Variants in NELL2 observed in about 807,000 individuals in gnomAD.
NELL2 encodes protein kinase C-binding protein NELL2.
Under a neutral mutation model 109.6 loss-of-function variants are expected in NELL2, and 41 were observed. That is an observed-to-expected ratio of 0.37 (90% CI 0.29 to 0.49). NELL2 has a LOEUF of 0.49. Ranked by LOEUF, NELL2 falls within the 20% of genes least tolerant of loss-of-function variation. NELL2 has a pLI of 0.98. For synonymous variants in NELL2, 355 were observed against 344.7 expected (o/e 1.03, Z -0.33); for missense variants, 900 against 1,008.3 (o/e 0.89, Z 1.45).
At chr12:44,891,193 TC>T (rs1183433644) in intron 1 of NELL2, among the ~76,000 whole-genome samples, 1 of 152,222 alleles carries the variant, frequency 6.6e-6, no homozygotes, top group African/African-American at 2.4e-5. Context: ...ATACTTGTTC[TC>T]CATGCCCTGC....
chr12:44,847,171 T>C (rs1183008264), intron 2 of NELL2, among the ~76,000 whole-genome samples: 1 of 152,158 alleles, frequency 6.6e-6, no homozygotes, highest in African/African-American at 2.4e-5. Context: ...ATTATTACCA[T>C]GGGCAGAGCA....
chr12:44,640,730 G>A (rs573889475), intron 13 of NELL2, among the ~76,000 whole-genome samples: 1 of 151,882 alleles, frequency 6.6e-6, no homozygotes, highest in East Asian at 1.9e-4. Context: ...AGGAACAAGG[G>A]GACAAATTTG....
intron 9 of NELL2, among the ~76,000 whole-genome samples, chr12:44,744,084 A>G (rs1940175463): frequency 2.0e-5 from 3 of 152,180 alleles, no homozygotes; most frequent in Admixed American, 2.0e-4. Context: ...AAGGAATAGA[A>G]ATTATAACAA....
At chr12:44,869,229 G>GAA (rs58984872) in intron 2 of NELL2, among the ~76,000 whole-genome samples, 83 of 150,450 alleles carry the variant, frequency 5.5e-4, no homozygotes, top group African/African-American at 1.9e-3. Flanking sequence ...ATGGAAGAAA[G>GAA]AAAAAAAAAC....
chr12:44,885,776 C>G (rs1184253361), intron 1 of NELL2, among the ~76,000 whole-genome samples: 1 of 151,606 alleles, frequency 6.6e-6, no homozygotes, highest in Non-Finnish European at 1.5e-5. Context: ...AATTAATAAG[C>G]TGATTTTTAA....
chr12:44,516,530 A>G (rs1168460563), intron 19 of NELL2, among the ~76,000 whole-genome samples: 1 of 152,230 alleles, frequency 6.6e-6, no homozygotes, highest in Non-Finnish European at 1.5e-5. Flanking sequence ...ATAATTATTT[A>G]TAATTTTAGT....
chr12:44,853,962 T>G (rs1469994842), intron 2 of NELL2, among the ~76,000 whole-genome samples: 3 of 152,174 alleles, frequency 2.0e-5, no homozygotes, highest in Admixed American at 1.3e-4. Flanking sequence ...TTTATATGCC[T>G]TTCTTAACAA....
chr12:44,582,645 G>A (rs1045629665), intron 15 of NELL2, among the ~76,000 whole-genome samples: 4 of 152,028 alleles, frequency 2.6e-5, no homozygotes, highest in African/African-American at 9.7e-5. Context: ...GTAGTTATAG[G>A]TGAGGATAAG....
chr12:44,894,662 A>G (rs1592708813), intron 1 of NELL2, among the ~76,000 whole-genome samples: 1 of 152,238 alleles, frequency 6.6e-6, no homozygotes, highest in East Asian at 1.9e-4. Flanking sequence ...TGCAATGTCA[A>G]CATCATAAAT....
intron 2 of NELL2, among the ~76,000 whole-genome samples, chr12:44,833,906 A>G (rs1483336631): frequency 6.6e-6 from 1 of 152,218 alleles, no homozygotes; most frequent in Non-Finnish European, 1.5e-5. Flanking sequence ...AAACGAAAGT[A>G]TCGGAGTGGA....
At chr12:44,871,223 C>A (rs768063226) in intron 2 of NELL2, among the ~76,000 whole-genome samples, 1 of 152,124 alleles carries the variant, frequency 6.6e-6, no homozygotes, top group Non-Finnish European at 1.5e-5. Context: ...GCCTGAGACT[C>A]CCCTAACTAA....
chr12:44,683,132 C>T (rs1430881568), intron 12 of NELL2, among the ~76,000 whole-genome samples: 1 of 152,162 alleles, frequency 6.6e-6, no homozygotes, highest in Non-Finnish European at 1.5e-5. Context: ...AGAGGTCCTT[C>T]ACGTCCCTTG....
chr12:44,571,917 GATTACAGCCACCCATGT>G (rs1250028081), intron 15 of NELL2, among the ~76,000 whole-genome samples: 8 of 152,038 alleles, frequency 5.3e-5, no homozygotes, highest in Admixed American at 3.9e-4. Flanking sequence ...AGGGTATGTA[GATTACAGCCACCCATGT>G]ATACAATAAG....
chr12:44,667,849 C>T (rs1947980913), intron 12 of NELL2, among the ~76,000 whole-genome samples: 1 of 152,204 alleles, frequency 6.6e-6, no homozygotes, highest in Non-Finnish European at 1.5e-5. Context: ...ATTCCTACCA[C>T]AGACTCATAT....
chr12:44,783,258 G>C lies in NELL2; in HGVS notation c.336-3236C>G, dbSNP rs573707152. Among the ~76,000 whole-genome samples the C allele has an allele frequency of 2.7e-4, 41 of 150,806 alleles. 1 individual carries two copies. Among genetic ancestry groups the C allele is most frequent in the Non-Finnish European group, 3.7e-4 (25 of 67,452 alleles). On this transcript the variant is annotated intron_variant, in intron 3 of 19. Coordinates refer to ENST00000429094, the MANE Select transcript of NELL2 (RefSeq NM_001145108.2). ...GCAATACTTGAGAGAGAAATTTATAGCACTAAATGCATATATTAGAAAAGA... is the reference window on the plus strand; with the variant it reads ...GCAATACTTGAGAGAGAAATTTATACCACTAAATGCATATATTAGAAAAGA...
chr12:44,690,647 G>C (rs1475090929), intron 12 of NELL2, among the ~76,000 whole-genome samples: 1 of 152,032 alleles, frequency 6.6e-6, no homozygotes, highest in Non-Finnish European at 1.5e-5. Context: ...CTGGAAAATG[G>C]GCAGAGATTT....
chr12:44,920,704 A>AC (rs1945862449), intron 1 of NELL2, among the ~76,000 whole-genome samples: 1 of 152,204 alleles, frequency 6.6e-6, no homozygotes, highest in African/African-American at 2.4e-5. Context: ...GCAAATGAAT[A>AC]CCAACATGTC....
Position 44,522,111 on chromosome 12 carries a change from G to A in NELL2, c.2064C>T (p.Cys688=). 6.2e-7 allele frequency: 1 copy of A among 1,613,762 alleles called. No individual in the cohort carries two copies. Among genetic ancestry groups the A allele is most frequent in the South Asian group, 1.1e-5 (1 of 91,058 alleles). ...TAAGCCTTGGGTCACATTCAGGGCA[G>A]CAAAAAAGATCAACTGTGGGATTCT... The part of the protein sequence containing the change: ...DCENPTVDLF[C]CPECDPRLSS... The change falls in exon 18 of 20, where the codon TGC becomes TGT. Residue 688 remains cysteine (C), a synonymous_variant. Transcript: ENST00000429094.
chr12:44,815,766 G>A (rs951624150), intron 3 of NELL2: 24 of 392,394 alleles, frequency 6.1e-5, no homozygotes, highest in African/African-American at 1.1e-4. Context: ...CTACAGGCGC[G>A]CGCCACCAAG....
Sources: allele counts gnomAD v4.1 joint callset (sites outside exome capture counted in the v4.1 genomes callset), GRCh38; gene constraint gnomAD v4.1.1; transcripts MANE v1.5; gene names NCBI Gene and HGNC (gene_info 2026-07-23, HGNC 2026-07-21).